Variants in BNC2 observed in about 807,000 individuals in gnomAD.
BNC2 encodes the protein zinc finger protein basonuclin-2.
In BNC2, 20 loss-of-function variants were observed where a neutral mutation model predicts 76.3. The observed-to-expected ratio is 0.26, with a 90% CI of 0.18 to 0.38. The LOEUF (loss-of-function observed/expected upper bound fraction) is 0.38, where lower values mean the gene tolerates loss of function less well. Ranked by LOEUF, BNC2 falls within the 10% of genes least tolerant of loss-of-function variation. The probability of loss-of-function intolerance (pLI) is 1.00; values close to 1 mark genes in which losing one functional copy is unlikely to be tolerated. For missense variants in BNC2, 1,382 were observed against 1,399.8 expected (o/e 0.99, Z 0.20); for synonymous variants, 582 against 514.8 (o/e 1.13, Z -1.77).
chr9:16,764,795 T>C (rs1198222865), intron 1 of BNC2, among the ~76,000 whole-genome samples: 1 of 151,830 alleles, frequency 6.6e-6, no homozygotes, highest in Admixed American at 6.6e-5. Context: ...AATTTTAAGA[T>C]TTGGTAGCTA....
At chr9:16,590,423 C>T (rs1254999455) in intron 3 of BNC2, among the ~76,000 whole-genome samples, 3 of 151,808 alleles carry the variant, frequency 2.0e-5, no homozygotes, top group Non-Finnish European at 4.4e-5. Context: ...GAATTCTTGA[C>T]CTCATGTGAT....
At chr9:16,553,953 T>C (rs184909626) in intron 4 of BNC2, among the ~76,000 whole-genome samples, 86 of 152,300 alleles carry the variant, frequency 5.6e-4, no homozygotes, top group African/African-American at 1.9e-3. Flanking sequence ...ACTGTCAGAA[T>C]TATATGCATA....
intron 1 of BNC2, among the ~76,000 whole-genome samples, chr9:16,776,528 G>C (rs2135505739): frequency 6.6e-6 from 1 of 152,250 alleles, no homozygotes; most frequent in South Asian, 2.1e-4. Flanking sequence ...GCAAGAAACA[G>C]ACACAAAGGA....
intron 1 of BNC2, among the ~76,000 whole-genome samples, chr9:16,783,060 AAGC>A (rs1826197306): frequency 2.6e-5 from 4 of 152,184 alleles, no homozygotes; most frequent in African/African-American, 4.8e-5. Context: ...AAAACTCTGA[AAGC>A]ATGAAGCTAG....
Position 16,484,939 on chromosome 9 carries a change from T to C in BNC2, c.670-47415A>G, listed in dbSNP as rs537091146. 3.9e-5 allele frequency among the ~76,000 whole-genome samples: 6 copies of C among 152,334 alleles called. No homozygotes were observed. In the South Asian group the frequency reaches 1.0e-3, roughly 26 times the overall value. On this transcript the variant is annotated intron_variant, in intron 5 of 6. Transcript: ENST00000380672. ...ATGTGAAGCTTGGCTTCAGGCAACC[T>C]GGTATCAGGGAGCTTGAATGTTTGT...
chr9:16,672,121 G>C (rs946364615), intron 3 of BNC2, among the ~76,000 whole-genome samples: 11 of 152,166 alleles, frequency 7.2e-5, no homozygotes, highest in African/African-American at 2.2e-4. Flanking sequence ...AGGTGAAACA[G>C]GGAGATCTGG....
At chr9:16,594,519 C>T (rs950999764) in intron 3 of BNC2, among the ~76,000 whole-genome samples, 1 of 152,096 alleles carries the variant, frequency 6.6e-6, no homozygotes, top group Non-Finnish European at 1.5e-5. Context: ...ATTTACTCCT[C>T]TAGGTTTGTG....
intron 3 of BNC2, among the ~76,000 whole-genome samples, chr9:16,701,041 G>A (rs976433287): frequency 2.0e-5 from 3 of 152,114 alleles, no homozygotes; most frequent in African/African-American, 7.2e-5. Flanking sequence ...TCCCAGATGG[G>A]GAAACTGAAG....
intron 1 of BNC2, among the ~76,000 whole-genome samples, chr9:16,769,114 G>C (rs577588273): frequency 3.3e-5 from 5 of 152,208 alleles, no homozygotes; most frequent in African/African-American, 9.7e-5. Flanking sequence ...GAAAAGCATA[G>C]TGCCTGCTGA....
chr9:16,776,527 A>T (rs1440013706), intron 1 of BNC2, among the ~76,000 whole-genome samples: 1 of 152,234 alleles, frequency 6.6e-6, no homozygotes, highest in Non-Finnish European at 1.5e-5. Context: ...GGCAAGAAAC[A>T]GACACAAAGG....
intron 3 of BNC2, among the ~76,000 whole-genome samples, chr9:16,609,336 G>A (rs542543599): frequency 6.6e-6 from 1 of 152,224 alleles, no homozygotes; most frequent in African/African-American, 2.4e-5. Context: ...TCCAATAGAG[G>A]GGGGGAAACC....
At chr9:16,447,428 T>C (rs1388888034) in intron 5 of BNC2, among the ~76,000 whole-genome samples, 1 of 152,152 alleles carries the variant, frequency 6.6e-6, no homozygotes, top group Non-Finnish European at 1.5e-5. Flanking sequence ...AATCTGAACA[T>C]ATGAATCACT....
At chr9:16,771,637 T>C (rs112560603) in intron 1 of BNC2, among the ~76,000 whole-genome samples, 41 of 152,356 alleles carry the variant, frequency 2.7e-4, no homozygotes, top group African/African-American at 9.1e-4. Flanking sequence ...TGAACTATAA[T>C]GACAAGACAA....
chr9:16,609,611 G>A (rs1271811431), intron 3 of BNC2, among the ~76,000 whole-genome samples: 1 of 152,170 alleles, frequency 6.6e-6, no homozygotes, highest in African/African-American at 2.4e-5. Flanking sequence ...GTATGTAGAA[G>A]ATGGCTACAA....
intron 3 of BNC2, among the ~76,000 whole-genome samples, chr9:16,630,479 T>G (rs1211569612): frequency 1.3e-5 from 2 of 152,152 alleles, no homozygotes; most frequent in African/African-American, 2.4e-5. Context: ...ATTTTTAAAA[T>G]GAATACAAAA....
chr9:16,776,943 T>C (rs1046526899), intron 1 of BNC2, among the ~76,000 whole-genome samples: 2 of 151,874 alleles, frequency 1.3e-5, no homozygotes, highest in Non-Finnish European at 2.9e-5. Flanking sequence ...CTGGTCAACA[T>C]GGCAAAACCC....
chr9:16,790,214 G>A (rs144971015), intron 1 of BNC2, among the ~76,000 whole-genome samples: 1,528 of 152,234 alleles, frequency 0.01, 24 homozygotes, highest in African/African-American at 0.035. Context: ...AGCCAGGATG[G>A]TCTGGATCTA....
At chr9:16,446,178 C>T (rs1433678157) in intron 5 of BNC2, among the ~76,000 whole-genome samples, 3 of 152,096 alleles carry the variant, frequency 2.0e-5, no homozygotes, top group African/African-American at 7.2e-5. Context: ...AAACTACTGA[C>T]CTTGGCTCAC....
intron 5 of BNC2, among the ~76,000 whole-genome samples, chr9:16,464,810 C>T (rs1340269594): frequency 6.6e-6 from 1 of 152,122 alleles, no homozygotes; most frequent in Non-Finnish European, 1.5e-5. Context: ...ATCCTTTCTA[C>T]TTATTAATCC....
Sources: gnomAD v4.1 joint callset for allele counts (sites outside exome capture counted in the v4.1 genomes callset) on GRCh38, gnomAD v4.1.1 for gene constraint, MANE v1.5 for transcripts, NCBI Gene and HGNC (gene_info 2026-07-23, HGNC 2026-07-21) for gene names.